The following FAM120A variants were observed in gnomAD, a reference collection of about 807,000 sequenced individuals.
FAM120A encodes the protein family with sequence similarity 120 member A.
In FAM120A, 15 loss-of-function variants were observed where a neutral mutation model predicts 109.7. That is an observed-to-expected ratio of 0.14 (90% CI 0.09 to 0.21). The LOEUF (loss-of-function observed/expected upper bound fraction) is 0.21. Ranked by LOEUF, FAM120A falls within the 10% of genes least tolerant of loss-of-function variation. The probability of loss-of-function intolerance (pLI) is 1.00; values close to 1 mark genes in which losing one functional copy is unlikely to be tolerated. For missense variants in FAM120A, 899 were observed against 1,439.3 expected (o/e 0.62, Z 6.07); for synonymous variants, 493 against 572.8 (o/e 0.86, Z 1.99).
chr9:93,471,121 G>T lies in FAM120A; in HGVS notation c.475-20G>T. The T allele has an allele frequency of 6.2e-7, 1 of 1,613,376 alleles. No individual in the cohort carries two copies. Among genetic ancestry groups the T allele is most frequent in the Non-Finnish European group, 8.5e-7 (1 of 1,179,494 alleles). On this transcript the variant is annotated intron_variant, in intron 1 of 17. Transcript: ENST00000277165. ...ACAGTGTTACCCTACATCTGATGAA[G>T]TTTTTTTCTCGTTTGCCAGGTTGCA...
rs536134085 is a variant in FAM120A at position 93,490,127 on chromosome 9, C to T, written c.805-7344C>T. ...GGCCTCATCCATGAATGAATATTGA[C>T]CAAATCGAGCTTCCATTTCCCTTCC... is the stretch of plus-strand genomic sequence containing the variant. On this transcript the variant is annotated intron_variant, in intron 3 of 17. Coordinates refer to ENST00000277165, the MANE Select transcript of FAM120A (RefSeq NM_014612.5). 3.2e-4 allele frequency among the ~76,000 whole-genome samples: 49 copies of T among 152,316 alleles called. 1 individual carries two copies. Among genetic ancestry groups the T allele is most frequent in the Non-Finnish European group, 5.9e-4 (40 of 68,038 alleles).
At position 93,489,361 on chromosome 9, in the gene FAM120A, A is replaced by T. The variant is rs548088792; in HGVS notation, c.805-8110A>T. On this transcript the variant is annotated intron_variant, in intron 3 of 17. Transcript: ENST00000277165. ...GTACACAGCCCTCAAAACGATTAGAATACATGACAGGTATTCCCCCAAGAA... is the reference window on the plus strand; with the variant it reads ...GTACACAGCCCTCAAAACGATTAGATTACATGACAGGTATTCCCCCAAGAA... 2.1e-4 allele frequency among the ~76,000 whole-genome samples: 32 copies of T among 151,664 alleles called. No homozygotes were observed. The South Asian group carries it at 6.6e-3, about 31-fold the overall frequency.
intron 13 of FAM120A, among the ~76,000 whole-genome samples, chr9:93,556,947 C>T (rs1044815689): frequency 1.3e-5 from 2 of 152,078 alleles, no homozygotes; most frequent in African/African-American, 2.4e-5. Context: ...TGTGCATTTT[C>T]GTTAAAGACA....
At chr9:93,497,916 T>C (rs1859641825) in intron 4 of FAM120A, among the ~76,000 whole-genome samples, 1 of 152,268 alleles carries the variant, frequency 6.6e-6, no homozygotes, top group South Asian at 2.1e-4. Flanking sequence ...ATAGGATCTG[T>C]ATTTCAGAGT....
intron 17 of FAM120A, among the ~76,000 whole-genome samples, chr9:93,562,699 C>T (rs1471115289): frequency 7.2e-6 from 1 of 138,168 alleles, no homozygotes; most frequent in Non-Finnish European, 1.5e-5. Context: ...GAGTCTCGCT[C>T]TATTGCCCAG....
intron 7 of FAM120A, among the ~76,000 whole-genome samples, chr9:93,517,342 A>G (rs900150819): frequency 6.6e-6 from 1 of 152,264 alleles, no homozygotes; most frequent in African/African-American, 2.4e-5. Context: ...TTGCAATTGA[A>G]TATTCAAATT....
At chr9:93,544,947 C>G (rs75091326) in intron 11 of FAM120A, among the ~76,000 whole-genome samples, 1 of 152,210 alleles carries the variant, frequency 6.6e-6, no homozygotes, top group Non-Finnish European at 1.5e-5. Context: ...AAAGGTTTCA[C>G]TCCTCAGACA....
chr9:93,549,955 G>T (rs111725614), intron 11 of FAM120A, among the ~76,000 whole-genome samples: 5,809 of 152,300 alleles, frequency 0.038, 158 homozygotes, highest in Non-Finnish European at 0.059. Flanking sequence ...AGGCAGACCT[G>T]TTCTAGTTGA....
At chr9:93,501,128 C>T (rs895227011) in intron 5 of FAM120A, among the ~76,000 whole-genome samples, 3 of 152,112 alleles carry the variant, frequency 2.0e-5, no homozygotes, top group Non-Finnish European at 2.9e-5. Context: ...GAGGTGGGGC[C>T]GGCAGTCTCC....
Position 93,516,170 on chromosome 9 carries a change from C to T in FAM120A, c.1319C>T (p.Ala440Val), listed in dbSNP as rs761483403. 7.4e-6 allele frequency: 12 copies of T among 1,614,014 alleles called. No individual in the cohort carries two copies. Among genetic ancestry groups the T allele is most frequent in the Admixed American group, 1.7e-5 (1 of 60,028 alleles). The change falls in exon 7 of 18, where the codon GCC becomes GTC. Residue 440 changes from alanine (A) to valine (V), a missense_variant. Ala to Val is a moderately conservative substitution (Grantham distance 64). Around this residue, in one of 11 missense-constraint regions of FAM120A, gnomAD observed 31 missense variants for 71.8 expected, o/e 0.43. Transcript: ENST00000277165. ...GAGCGGTCCTCGCCCATCAACCCGG[C>T]CCAGAGCGGCAGCCCCAACCACGTG... ...LYERSSPINP[A>V]QSGSPNHVDS... is the part of the protein sequence containing the mutation.
At chr9:93,466,763 C>T (rs1858040512) in intron 1 of FAM120A, among the ~76,000 whole-genome samples, 1 of 152,176 alleles carries the variant, frequency 6.6e-6, no homozygotes, top group Non-Finnish European at 1.5e-5. Flanking sequence ...TCACTGATGT[C>T]TCATGGCTAA....
At chr9:93,554,542 G>T (rs77988838) in intron 12 of FAM120A, among the ~76,000 whole-genome samples, 2 of 152,096 alleles carry the variant, frequency 1.3e-5, no homozygotes, top group Non-Finnish European at 2.9e-5. Flanking sequence ...GCATGGTGGC[G>T]CACGTCTGTA....
intron 3 of FAM120A, among the ~76,000 whole-genome samples, chr9:93,491,269 G>C (rs1263514866): frequency 6.6e-6 from 1 of 152,210 alleles, no homozygotes; most frequent in Non-Finnish European, 1.5e-5. Flanking sequence ...GTTGTCAAGA[G>C]TGGCCAAAGG....
chr9:93,553,101 C>T (rs192211945), intron 12 of FAM120A, among the ~76,000 whole-genome samples: 1 of 152,196 alleles, frequency 6.6e-6, no homozygotes, highest in Non-Finnish European at 1.5e-5. Context: ...TTCCATGTGG[C>T]TCCTTAAATA....
Position 93,471,289 on chromosome 9 carries a change from A to G in FAM120A, c.623A>G (p.Asn208Ser). 1.9e-6 allele frequency: 3 copies of G among 1,614,208 alleles called. No homozygotes were observed. Among genetic ancestry groups the G allele is most frequent in the Non-Finnish European group, 2.5e-6 (3 of 1,180,032 alleles). The part of the protein sequence containing the change: ...FSAHALKLSR[N>S]GKSLTTSQYL... ...GCCCATGCCCTAAAACTGAGCCGGAACGGGAAAAGTCTCACCACAAGCCAA... is the reference window on the plus strand; with the variant it reads ...GCCCATGCCCTAAAACTGAGCCGGAGCGGGAAAAGTCTCACCACAAGCCAA... Residue 208 changes from asparagine (N) to serine (S), a missense_variant, in exon 2 of 18, where the codon AAC becomes AGC. Asn to Ser is a conservative substitution (Grantham distance 46). This residue lies in a region of FAM120A where 258 missense variants were observed against 451.4 expected (regional missense o/e 0.57). Coordinates refer to ENST00000277165, the MANE Select transcript of FAM120A (RefSeq NM_014612.5).
rs570506550 is a variant in FAM120A at position 93,560,887 on chromosome 9, AGTT to A, written c.2807-219_2807-217del. Among the ~76,000 whole-genome samples the A allele has an allele frequency of 2.8e-4, 43 of 152,386 alleles. No homozygotes were observed. In the South Asian group the frequency reaches 8.1e-3, roughly 29 times the overall value. ...TATCTAAAAAGCCTTGCACATTTGC[AGTT>A]GTAACCTAATTCAGTTCTCATGGGT... On this transcript the variant is annotated intron_variant, in intron 15 of 17. Coordinates refer to ENST00000277165, the MANE Select transcript of FAM120A (RefSeq NM_014612.5).
intron 15 of FAM120A, 38 bp downstream of exon 15, chr9:93,558,756 C>CGTGG (rs1285536079): frequency 6.2e-7 from 1 of 1,606,490 alleles, no homozygotes; most frequent in African/African-American, 1.3e-5. Context: ...TTCTGCCTGC[C>CGTGG]AGCACTTCCT....
At chr9:93,462,779 A>G (rs1857850504) in intron 1 of FAM120A, among the ~76,000 whole-genome samples, 1 of 152,148 alleles carries the variant, frequency 6.6e-6, no homozygotes, top group African/African-American at 2.4e-5. Context: ...ATATAATGAG[A>G]TCGTATAGTA....
chr9:93,521,528 G>A (rs1372613202), intron 7 of FAM120A, among the ~76,000 whole-genome samples: 1 of 151,584 alleles, frequency 6.6e-6, no homozygotes, highest in Non-Finnish European at 1.5e-5. Flanking sequence ...GCTGTAGTGA[G>A]CCATGATGGC....
Sources: allele counts gnomAD v4.1 joint callset (sites outside exome capture counted in the v4.1 genomes callset), GRCh38; gene constraint gnomAD v4.1.1; regional missense constraint gnomAD v4.1.1; transcripts MANE v1.5; gene names NCBI Gene and HGNC (gene_info 2026-07-23, HGNC 2026-07-21).